The following RNF121 variants were observed in gnomAD, a reference collection of about 807,000 sequenced individuals.
RNF121 encodes E3 ubiquitin ligase RNF121.
RNF121 carries 21 observed loss-of-function variants against 46.5 expected under a neutral mutation model. The ratio of observed to expected loss-of-function variants is 0.45; its 90% CI spans 0.32 to 0.65. The LOEUF (loss-of-function observed/expected upper bound fraction) is 0.65, where lower values mean the gene tolerates loss of function less well. RNF121 is among the 30% of genes least tolerant of loss of function. The pLI, the probability that RNF121 is intolerant of heterozygous loss-of-function variation, is 0.04. For synonymous variants in RNF121, 139 were observed against 144.7 expected (o/e 0.96, Z 0.28); for missense variants, 346 against 416.0 (o/e 0.83, Z 1.46).
chr11:71,979,959 A>G, intron 3 of RNF121, among the ~76,000 whole-genome samples: 1 of 152,194 alleles, frequency 6.6e-6, no homozygotes, highest in East Asian at 1.9e-4. Context: ...CCTTCTTTCC[A>G]TATGCCACCC....
intron 5 of RNF121, among the ~76,000 whole-genome samples, chr11:71,989,070 T>TTTTGTTTGTTTG (rs10654699): frequency 1.3e-3 from 193 of 150,284 alleles, no homozygotes; most frequent in African/African-American, 4.3e-3. Context: ...CATTATGGTT[T>TTTTGTTTGTTTG]TTTGTTTGTT....
intron 1 of RNF121, among the ~76,000 whole-genome samples, chr11:71,950,964 C>A (rs1953862542): frequency 1.3e-5 from 2 of 152,278 alleles, no homozygotes; most frequent in Middle Eastern, 6.8e-3. Flanking sequence ...GTGGCCCACA[C>A]CTGTAATCCC....
At chr11:71,946,690 G>C (rs1263861965) in intron 1 of RNF121, among the ~76,000 whole-genome samples, 1 of 148,510 alleles carries the variant, frequency 6.7e-6, no homozygotes. Context: ...TTTAAAATAA[G>C]ATGGTTGCAT....
At chr11:71,987,141 G>A (rs1281624965) in intron 5 of RNF121, 30 bp downstream of exon 5, 1 of 1,390,626 alleles carries the variant, frequency 7.2e-7, no homozygotes, top group Non-Finnish European at 1.0e-6. Context: ...GTTTTTGCTG[G>A]AGTTTGGGGA....
intron 1 of RNF121, chr11:71,939,370 T>C (rs1245851881): frequency 6.4e-6 from 1 of 156,990 alleles, no homozygotes; most frequent in Non-Finnish European, 1.4e-5. Flanking sequence ...TTCTATAAAG[T>C]GACATCTTTC....
intron 3 of RNF121, among the ~76,000 whole-genome samples, chr11:71,963,726 T>G (rs986670361): frequency 2.0e-5 from 3 of 152,256 alleles, no homozygotes; most frequent in Admixed American, 2.0e-4. Context: ...CTTTTGCATG[T>G]GGATAGCCAG....
chr11:71,929,949 CTCT>C (rs1316432431), intron 1 of RNF121, among the ~76,000 whole-genome samples: 2 of 152,214 alleles, frequency 1.3e-5, no homozygotes, highest in Non-Finnish European at 2.9e-5. Context: ...AAGTGTCTCT[CTCT>C]TCTTCTGGAT....
intron 1 of RNF121, among the ~76,000 whole-genome samples, chr11:71,935,378 G>T (rs1458365698): frequency 6.6e-6 from 1 of 152,170 alleles, no homozygotes; most frequent in Non-Finnish European, 1.5e-5. Context: ...ACAGAACTGG[G>T]GTTCAAATCC....
At chr11:71,994,594 C>G (rs1954934481) in intron 6 of RNF121, 125 bp from the exon 7 acceptor site, 3 of 1,082,048 alleles carry the variant, frequency 2.8e-6, no homozygotes, top group Admixed American at 2.2e-5. Flanking sequence ...AAGATGTCCT[C>G]TAACTCTGGG....
At chr11:71,982,556 A>G (rs1273676618) in intron 3 of RNF121, among the ~76,000 whole-genome samples, 2 of 152,154 alleles carry the variant, frequency 1.3e-5, no homozygotes, top group African/African-American at 4.8e-5. Context: ...TATATCCAAG[A>G]GATAGTTGAG....
intron 3 of RNF121, among the ~76,000 whole-genome samples, chr11:71,962,920 T>C (rs1046944379): frequency 2.0e-5 from 3 of 152,212 alleles, no homozygotes; most frequent in African/African-American, 7.2e-5. Flanking sequence ...TTAGTGGATG[T>C]AGATGTCATT....
In RNF121 at chr11:71,950,269, A is replaced by G. The variant is rs139370367; in HGVS notation, c.64-6958A>G. 2.2e-3 allele frequency among the ~76,000 whole-genome samples: 332 copies of G among 152,022 alleles called. 3 individuals are homozygous for G. Among genetic ancestry groups the G allele is most frequent in the African/African-American group, 7.7e-3 (318 of 41,462 alleles). On this transcript the variant is annotated intron_variant, in intron 1 of 8. Transcript: ENST00000361756. ...AGTGATAGATATTTTTGATGTATGCATATGGTAGTCCCTTGGTAGATTTTT... is the reference window on the plus strand; with the variant it reads ...AGTGATAGATATTTTTGATGTATGCGTATGGTAGTCCCTTGGTAGATTTTT...
At position 71,960,735 on chromosome 11, in the gene RNF121, G is replaced by A. The variant is rs751036545; in HGVS notation, c.102-15G>A. 4 of 1,610,510 alleles carry A rather than the reference G, an allele frequency of 2.5e-6. No homozygotes were observed. The highest frequency in any genetic ancestry group is 2.2e-5 in the South Asian group (2 of 90,642). On this transcript the variant is annotated splice_polypyrimidine_tract_variant and intron_variant, in intron 2 of 8. Transcript: ENST00000361756. ...GCATCCCTGACTTGATTCACCCCATGTGTTTGGCTTTCAGGGTCGAGCACG... is the reference window on the plus strand; with the variant it reads ...GCATCCCTGACTTGATTCACCCCATATGTTTGGCTTTCAGGGTCGAGCACG...
intron 5 of RNF121, 140 bp from the exon 6 acceptor site, chr11:71,990,457 G>A: frequency 1.0e-6 from 1 of 981,370 alleles, no homozygotes; most frequent in Non-Finnish European, 1.5e-6. Flanking sequence ...CAGCAGACTG[G>A]ATTTGGTCAT....
intron 1 of RNF121, among the ~76,000 whole-genome samples, chr11:71,936,104 C>T (rs1241692438): frequency 6.6e-6 from 1 of 152,072 alleles, no homozygotes; most frequent in African/African-American, 2.4e-5. Context: ...ACCTTGGCCT[C>T]CCAGAGTGCT....
intron 3 of RNF121, among the ~76,000 whole-genome samples, chr11:71,965,879 A>T (rs1055748384): frequency 6.6e-6 from 1 of 152,226 alleles, no homozygotes; most frequent in Non-Finnish European, 1.5e-5. Flanking sequence ...AGTATTTTTA[A>T]TCTTTGTCAG....
intron 1 of RNF121, among the ~76,000 whole-genome samples, chr11:71,949,052 C>G (rs1242458543): frequency 2.0e-5 from 3 of 152,206 alleles, no homozygotes; most frequent in African/African-American, 7.2e-5. Context: ...TAGTCTGTCT[C>G]TCCCTACTTC....
chr11:71,967,705 G>C (rs1347803428), intron 3 of RNF121, among the ~76,000 whole-genome samples: 1 of 152,122 alleles, frequency 6.6e-6, no homozygotes, highest in Non-Finnish European at 1.5e-5. Context: ...ACAGACATGA[G>C]CCACTGTGCC....
At chr11:71,931,659 A>G (rs1395224256) in intron 1 of RNF121, among the ~76,000 whole-genome samples, 1 of 152,220 alleles carries the variant, frequency 6.6e-6, no homozygotes, top group South Asian at 2.1e-4. Context: ...CAAATAGCGT[A>G]TTATAATACT....
Sources: gnomAD v4.1 joint callset for allele counts (sites outside exome capture counted in the v4.1 genomes callset) on GRCh38, gnomAD v4.1.1 for gene constraint, MANE v1.5 for transcripts, NCBI Gene and HGNC (gene_info 2026-07-23, HGNC 2026-07-21) for gene names.